MOB3B: variants seen among roughly 807,000 people sequenced by gnomAD.
MOB3B encodes the protein MOB kinase activator 3B.
A neutral mutation model predicts 18.7 loss-of-function variants in MOB3B; 7 were observed. That is an observed-to-expected ratio of 0.37 (90% CI 0.21 to 0.70). The LOEUF is 0.70. Among genes scored for constraint, MOB3B ranks in the 30% least tolerant of loss-of-function variants. The pLI is 0.52. For missense variants in MOB3B, 253 were observed against 281.3 expected, an observed-to-expected ratio of 0.90 and a Z score of 0.72; for synonymous variants, 111 against 99.9, an observed-to-expected ratio of 1.11 and a Z score of -0.66.
intron 1 of MOB3B, among the ~76,000 whole-genome samples, chr9:27,474,821 G>GTACT (rs935956438): frequency 6.6e-6 from 1 of 152,146 alleles, no homozygotes; most frequent in African/African-American, 2.4e-5. Context: ...TAAAACATGC[G>GTACT]TACTTTTTCC....
intron 3 of MOB3B, among the ~76,000 whole-genome samples, chr9:27,331,582 T>G (rs566648566): frequency 8.5e-5 from 13 of 152,354 alleles, no homozygotes; most frequent in African/African-American, 2.2e-4. Flanking sequence ...TGTGCTTTCA[T>G]CTTTGTAGCC....
chr9:27,403,800 T>C (rs2131394771), intron 2 of MOB3B, among the ~76,000 whole-genome samples: 1 of 152,238 alleles, frequency 6.6e-6, no homozygotes, highest in Non-Finnish European at 1.5e-5. Context: ...TTTTTAATTG[T>C]TATGGATACA....
chr9:27,482,238 G>A lies in MOB3B; in HGVS notation c.-198-26490C>T, dbSNP rs150822240. The stretch of plus-strand genomic sequence containing the variant: ...CTGAAGAGACCTAACATTAAAGGAC[G>A]GGAAAAACATTAAATAATCCAAACA... On this transcript the variant is annotated intron_variant, in intron 1 of 3. Coordinates refer to ENST00000262244, the MANE Select transcript of MOB3B (RefSeq NM_024761.5). Among the ~76,000 whole-genome samples the A allele has an allele frequency of 3.0e-4, 45 of 152,146 alleles. 1 individual carries two copies. In the East Asian group the frequency reaches 7.5e-3, roughly 25 times the overall value.
intron 2 of MOB3B, among the ~76,000 whole-genome samples, chr9:27,422,223 G>A (rs1055532469): frequency 6.6e-6 from 1 of 152,166 alleles, no homozygotes; most frequent in East Asian, 1.9e-4. Flanking sequence ...CTTTCAAATA[G>A]GTGGCTGGCT....
chr9:27,433,167 T>C (rs773729510), intron 2 of MOB3B, among the ~76,000 whole-genome samples: 2 of 152,112 alleles, frequency 1.3e-5, no homozygotes, highest in Non-Finnish European at 2.9e-5. Context: ...AAAAGAGATA[T>C]TAAATTCAGG....
intron 1 of MOB3B, among the ~76,000 whole-genome samples, chr9:27,525,419 G>C (rs892404386): frequency 4.6e-5 from 7 of 152,124 alleles, no homozygotes; most frequent in African/African-American, 1.2e-4. Context: ...GCTCCCTAGA[G>C]TCAATACTCT....
At chr9:27,372,658 TA>T (rs897787983) in intron 2 of MOB3B, among the ~76,000 whole-genome samples, 1 of 151,946 alleles carries the variant, frequency 6.6e-6, no homozygotes, top group Non-Finnish European at 1.5e-5. Flanking sequence ...TATCTAACCA[TA>T]AAAAAAATCA....
At chr9:27,480,326 G>GTC (rs1229849860) in intron 1 of MOB3B, among the ~76,000 whole-genome samples, 2 of 147,880 alleles carry the variant, frequency 1.4e-5, no homozygotes, top group African/African-American at 5.0e-5. Context: ...TTGAGACGGA[G>GTC]TCTCGCTCTG....
rs1327276660 is a variant in MOB3B at position 27,512,054 on chromosome 9, C to T, written c.-199+17501G>A. Among the ~76,000 whole-genome samples the T allele has an allele frequency of 2.0e-5, 3 of 152,210 alleles. No individual in the cohort carries two copies. The East Asian group carries it at 5.8e-4, about 29-fold the overall frequency. On this transcript the variant is annotated intron_variant, in intron 1 of 3. Transcript: ENST00000262244. ...ACCTTCCCATGCACACTCCTCCATG[C>T]TCCTGCCCCTTTGCTCCAGCCTGAC...
chr9:27,372,574 TGTTCATAGAATATGGCTTTGATAC>T (rs1297612867), intron 2 of MOB3B, among the ~76,000 whole-genome samples: 2 of 152,192 alleles, frequency 1.3e-5, no homozygotes, highest in South Asian at 4.1e-4. Flanking sequence ...TGATCAATCG[TGTTCATAGAATATGGCTTTGATAC>T]GATAAGTCGC....
chr9:27,337,807 G>T (rs141700341), intron 3 of MOB3B, among the ~76,000 whole-genome samples: 7 of 152,192 alleles, frequency 4.6e-5, no homozygotes, highest in African/African-American at 1.7e-4. Flanking sequence ...CCCAAGGCAA[G>T]GGCAGGTGTG....
At chr9:27,503,968 C>T (rs1347123747) in intron 1 of MOB3B, among the ~76,000 whole-genome samples, 3 of 152,216 alleles carry the variant, frequency 2.0e-5, no homozygotes, top group Non-Finnish European at 4.4e-5. Context: ...CCCTCTGTTC[C>T]GTTCTCCTGC....
chr9:27,522,663 T>G (rs1366719520), intron 1 of MOB3B, among the ~76,000 whole-genome samples: 1 of 151,904 alleles, frequency 6.6e-6, no homozygotes, highest in Non-Finnish European at 1.5e-5. Flanking sequence ...ACAAACTTCC[T>G]TACAGCTAAG....
intron 2 of MOB3B, among the ~76,000 whole-genome samples, chr9:27,441,798 A>ACTAGGTGCCTTT (rs1217973925): frequency 1.3e-5 from 2 of 152,198 alleles, no homozygotes; most frequent in Non-Finnish European, 2.9e-5. Context: ...AACATAGTCT[A>ACTAGGTGCCTTT]GTGCCTACTA....
intron 2 of MOB3B, among the ~76,000 whole-genome samples, chr9:27,366,148 A>C (rs1345562801): frequency 1.3e-5 from 2 of 152,168 alleles, no homozygotes; most frequent in East Asian, 3.9e-4. Flanking sequence ...TCTGTTGCTC[A>C]TGAAGCCTTG....
chr9:27,375,812 T>C (rs1040466646), intron 2 of MOB3B, among the ~76,000 whole-genome samples: 4 of 152,312 alleles, frequency 2.6e-5, no homozygotes, highest in Admixed American at 6.5e-5. Context: ...GGGACCTTAA[T>C]TAACAATTGT....
intron 2 of MOB3B, among the ~76,000 whole-genome samples, chr9:27,427,832 C>A (rs1822359636): frequency 6.6e-6 from 1 of 152,150 alleles, no homozygotes; most frequent in South Asian, 2.1e-4. Flanking sequence ...TCTTCTGCCT[C>A]TTTGGTGAGG....
chr9:27,392,742 T>A (rs1340144655), intron 2 of MOB3B, among the ~76,000 whole-genome samples: 6 of 152,286 alleles, frequency 3.9e-5, no homozygotes, highest in African/African-American at 1.4e-4. Flanking sequence ...AAAAGTCAAT[T>A]CTAAGCTCTT....
intron 1 of MOB3B, among the ~76,000 whole-genome samples, chr9:27,481,423 C>T (rs1432483117): frequency 1.3e-5 from 2 of 151,328 alleles, no homozygotes; most frequent in African/African-American, 4.9e-5. Flanking sequence ...GATGTCTCCT[C>T]AGGGTCAGGG....
Sources: gnomAD v4.1 joint callset for allele counts (sites outside exome capture counted in the v4.1 genomes callset) on GRCh38, gnomAD v4.1.1 for gene constraint, MANE v1.5 for transcripts, NCBI Gene and HGNC (gene_info 2026-07-23, HGNC 2026-07-21) for gene names.